MUC6: variants seen among roughly 807,000 people sequenced by gnomAD.
MUC6 encodes mucin-6.
In MUC6, 188 loss-of-function variants were observed where a neutral mutation model predicts 201.5. That is an observed-to-expected ratio of 0.93 (90% CI 0.83 to 1.05). The LOEUF (loss-of-function observed/expected upper bound fraction) is 1.05. Ranked by LOEUF, MUC6 falls within the 50% of genes least tolerant of loss-of-function variation. The pLI, the probability that MUC6 is intolerant of heterozygous loss-of-function variation, is 0.00. For missense variants in MUC6, 2,706 were observed against 3,256.9 expected (o/e 0.83, Z 4.12); for synonymous variants, 1,228 against 1,389.4 (o/e 0.88, Z 2.58).
rs1489164713 is a variant in MUC6 at position 1,026,080 on chromosome 11, G to A, written c.2608C>T (p.Leu870Phe). Residue 870 changes from leucine to phenylalanine, a missense_variant, in exon 21 of 33, where the codon CTC becomes TTC. By Grantham distance (22) the Leu-to-Phe change is conservative. Transcript: ENST00000421673. ...QGTHCPSTCTLYGEGHVITFD... is the reference protein window; with the variant it reads ...QGTHCPSTCTFYGEGHVITFD... ...GTGATGACGTGGCCCTCCCCGTAGA[G>A]GGTGCAGGTGGATGGGCAGTGGGTG... is the stretch of plus-strand genomic sequence containing the variant. The A allele has an allele frequency of 1.3e-6, 2 of 1,599,060 alleles. No homozygotes were observed. The highest frequency in any genetic ancestry group is 1.7e-6 in the Non-Finnish European group (2 of 1,173,568).
At position 1,033,369 on chromosome 11, in the gene MUC6, G is replaced by T. The variant is rs1331204541; in HGVS notation, c.53-294C>A. On this transcript the variant is annotated intron_variant, in intron 1 of 32. Coordinates refer to ENST00000421673, the MANE Select transcript of MUC6 (RefSeq NM_005961.3). This position sits in a 1 kb window ranked among gnomAD's most constrained non-coding sequence, Gnocchi z 5.6. ...TCGGCAGATGGCGGGCACCCTGTGT[G>T]CAGGGTACTCATCCCTGGGGCTTCT... Among the ~76,000 whole-genome samples the T allele has an allele frequency of 6.6e-6, 1 of 152,156 alleles. No homozygotes were observed. Among genetic ancestry groups the T allele is most frequent in the East Asian group, 1.9e-4 (1 of 5,194 alleles).
At chr11:1,032,085 T>G (rs1315905063) in intron 2 of MUC6, 32 bp from the exon 3 acceptor site, 1 of 1,605,302 alleles carries the variant, frequency 6.2e-7, no homozygotes, top group East Asian at 2.2e-5. Flanking sequence ...CACAGCCCTG[T>G]GTCCCCACCA....
intron 1 of MUC6, among the ~76,000 whole-genome samples, chr11:1,034,705 C>G (rs1590057504): frequency 6.6e-6 from 1 of 152,210 alleles, no homozygotes; most frequent in African/African-American, 2.4e-5. Flanking sequence ...CTCCACCTTT[C>G]CGATGGGGGG....
intron 5 of MUC6, 28 bp from the exon 6 acceptor site, chr11:1,031,084 G>A (rs370041179): frequency 3.7e-5 from 58 of 1,546,890 alleles, no homozygotes; most frequent in Middle Eastern, 1.9e-4. Flanking sequence ...GGTCAGCACC[G>A]TGGGGGCTGG....
rs1275639911 is a variant in MUC6, at chr11:1,028,883, A to G, written c.1453+6T>C. On this transcript the variant is annotated splice_donor_region_variant and intron_variant, in intron 12 of 32. Transcript: ENST00000421673. Reference sequence around the variant, plus strand: ...CTGGGGGGCCACAGACTGGGCCAGGACGTACGAGTCTTGTATGGCAGCCAC... The same window carrying G: ...CTGGGGGGCCACAGACTGGGCCAGGGCGTACGAGTCTTGTATGGCAGCCAC... 1 of 1,612,044 alleles carries G rather than the reference A, an allele frequency of 6.2e-7. No homozygotes were observed. The highest frequency in any genetic ancestry group is 8.5e-7 in the Non-Finnish European group (1 of 1,179,880).
intron 19 of MUC6, 25 bp from the exon 20 acceptor site, chr11:1,026,503 C>A: frequency 6.5e-7 from 1 of 1,550,322 alleles, no homozygotes; most frequent in Non-Finnish European, 8.7e-7. Flanking sequence ...GTCAGCAGCT[C>A]CTGGGAGGGT....
In MUC6 at chr11:1,013,515, C is replaced by G. The variant is rs375819177; in HGVS notation, c.7261G>C (p.Val2421Leu). The G allele has an allele frequency of 1.0e-5, 16 of 1,581,904 alleles. No individual in the cohort carries two copies. Among genetic ancestry groups the G allele is most frequent in the Non-Finnish European group, 1.3e-5 (15 of 1,165,676 alleles). Residue 2421 changes from valine (V) to leucine (L), a missense_variant, in exon 33 of 33, where the codon GTA (valine) becomes CTA (leucine). By Grantham distance (32) the Val-to-Leu change is conservative (BLOSUM62 1). Transcript: ENST00000421673. ...PDPSTPGRRLVLTLQVFSHCV... is the reference protein window; with the variant it reads ...PDPSTPGRRLLLTLQVFSHCV... ...TGGCTGAACACCTGCAGGGTGAGTA[C>G]GAGCCGCCGGCCAGGCGTGCTGGGA...
chr11:1,025,736 G>A (rs1009239463), intron 22 of MUC6, 69 bp downstream of exon 22: 65 of 1,402,734 alleles, frequency 4.6e-5, no homozygotes, highest in Non-Finnish European at 5.9e-5. Flanking sequence ...TCCAGTGCGC[G>A]GGATCCAGCT....
chr11:1,016,275 T>C lies in MUC6; in HGVS notation c.6526A>G (p.Ser2176Gly). 6.2e-7 allele frequency: 1 copy of C among 1,612,774 alleles called. No individual in the cohort carries two copies. Reference protein sequence around the residue: ...VSAPVHSTTLSSGSHSSLSTH... With the variant: ...VSAPVHSTTLGSGSHSSLSTH... ...GACAATGAGGAGTGTGACCCCGAGCTCAGGGTTGTGGAGTGCACGGGGGCG... is the reference window on the plus strand; with the variant it reads ...GACAATGAGGAGTGTGACCCCGAGCCCAGGGTTGTGGAGTGCACGGGGGCG... The change falls in exon 31 of 33, where the codon AGC becomes GGC. Residue 2176 changes from serine (S) to glycine (G), a missense_variant. Transcript: ENST00000421673.
chr11:1,020,176 C>A lies in MUC6; in HGVS notation c.3722G>T (p.Ser1241Ile). 6.2e-7 allele frequency: 1 copy of A among 1,612,658 alleles called. No homozygotes were observed. Among genetic ancestry groups the A allele is most frequent in the Non-Finnish European group, 8.5e-7 (1 of 1,179,750 alleles). The change falls in exon 29 of 33, where the codon AGC (serine) becomes ATC (isoleucine). Residue 1241 changes from serine to isoleucine, a missense_variant. This residue lies in a region of MUC6 where 1,850 missense variants were observed against 1,958.3 expected (regional missense o/e 0.94). Coordinates refer to ENST00000421673, the MANE Select transcript of MUC6 (RefSeq NM_005961.3). ...GGGGCTGGCAGGGGTGTGATTAGAGCTGGGTGAGGGTCCGGTGGAGCTGAG... is the reference window on the plus strand; with the variant it reads ...GGGGCTGGCAGGGGTGTGATTAGAGATGGGTGAGGGTCCGGTGGAGCTGAG... ...GLLSSTGPSPSSNHTPASPTQ... is the reference protein window; with the variant it reads ...GLLSSTGPSPISNHTPASPTQ...
At chr11:1,018,942 G>A (rs529247127) in intron 30 of MUC6, among the ~76,000 whole-genome samples, 172 bp from the exon 31 acceptor site, 5 of 152,252 alleles carry the variant, frequency 3.3e-5, no homozygotes, top group Admixed American at 6.5e-5. Context: ...ATCTCACCTG[G>A]ACTTGCTCCA....
At position 1,024,967 on chromosome 11, in the gene MUC6, G is replaced by T. The variant is rs1371999338; in HGVS notation, c.3102C>A (p.Ser1034Arg). The T allele has an allele frequency of 1.2e-6, 2 of 1,613,120 alleles. No homozygotes were observed. ...CGAAGCTCACGTCCCCGCACAGCGG[G>T]CTCTCCTTCCACGAGTTCACCAACT... is the stretch of plus-strand genomic sequence containing the variant. ...ELELVNSWKE[S>R]PLCGDVSFVT... Residue 1034 changes from serine (S) to arginine (R), a missense_variant, in exon 24 of 33, where the codon AGC (serine) becomes AGA (arginine). Transcript: ENST00000421673.
At position 1,015,045 on chromosome 11, in the gene MUC6, G is replaced by A. The variant is rs373634936; in HGVS notation, c.7039+717C>T. Among the ~76,000 whole-genome samples the A allele has an allele frequency of 5.9e-5, 9 of 152,346 alleles. No homozygotes were observed. In the South Asian group the frequency reaches 1.7e-3, roughly 28 times the overall value. Reference sequence around the variant, plus strand: ...TCGCCTGGTGGAGGTCGATGCATGCGAGGGACCCAGTCCCTGGGTGGTTGC... The same window carrying A: ...TCGCCTGGTGGAGGTCGATGCATGCAAGGGACCCAGTCCCTGGGTGGTTGC... On this transcript the variant is annotated intron_variant, in intron 31 of 32. Coordinates refer to ENST00000421673, the MANE Select transcript of MUC6 (RefSeq NM_005961.3).
chr11:1,021,573 G>A (rs932790605), intron 26 of MUC6, among the ~76,000 whole-genome samples: 2 of 151,984 alleles, frequency 1.3e-5, no homozygotes, highest in African/African-American at 2.4e-5. Flanking sequence ...GCTTCGCCAC[G>A]TTGGCCAGGC....
intron 16 of MUC6, 80 bp downstream of exon 16, chr11:1,027,605 C>A (rs1325830124): frequency 3.8e-6 from 6 of 1,587,732 alleles, no homozygotes; most frequent in South Asian, 1.1e-5. Flanking sequence ...CACTGCAGAG[C>A]CTCAGAGCTT....
At chr11:1,034,719 C>T (rs985315126) in intron 1 of MUC6, among the ~76,000 whole-genome samples, 38 of 152,216 alleles carry the variant, frequency 2.5e-4, no homozygotes, top group Non-Finnish European at 4.9e-4. Context: ...TGGGGGGTGG[C>T]ACTTGGGGGC....
intron 26 of MUC6, 77 bp from the exon 27 acceptor site, chr11:1,021,354 C>T (rs958622002): frequency 4.4e-6 from 4 of 903,864 alleles, no homozygotes; most frequent in African/African-American, 3.5e-5. Context: ...CCCTGGCGGC[C>T]TCCTTCCTCT....
In MUC6 at chr11:1,018,288, TC is replaced by T; in HGVS notation, c.4512del (p.Thr1505ProfsTer87). The stretch of plus-strand genomic sequence containing the variant: ...TGGGCTTGGCTGGTCCCACTGGTGG[TC>T]GGCGTTATTGGTGGGGCTGTGTGGG... The part of the protein sequence containing the change: ...GSTHTAPPIT[P>X]TTSGTSQAHS... On this transcript the variant is annotated frameshift_variant, in exon 31 of 33. Coordinates refer to ENST00000421673, the MANE Select transcript of MUC6 (RefSeq NM_005961.3). LOFTEE classifies it high-confidence loss of function. The T allele has an allele frequency of 6.2e-7, 1 of 1,614,030 alleles. No homozygotes were observed.
intron 31 of MUC6, among the ~76,000 whole-genome samples, chr11:1,014,863 G>C (rs536982920): frequency 2.0e-5 from 3 of 152,168 alleles, no homozygotes; most frequent in Non-Finnish European, 4.4e-5. Context: ...CTCCCAGCTG[G>C]TTCCTGCTCC....
Sources: allele counts gnomAD v4.1 joint callset (sites outside exome capture counted in the v4.1 genomes callset), GRCh38; gene constraint gnomAD v4.1.1; regional missense constraint gnomAD v4.1.1; non-coding constraint Gnocchi (gnomAD v3.1); transcripts MANE v1.5; gene names NCBI Gene and HGNC (gene_info 2026-07-23, HGNC 2026-07-21).